HEY2: variants seen among roughly 807,000 people sequenced by gnomAD.
The protein encoded by HEY2 is hes related family bHLH transcription factor with YRPW motif 2.
In HEY2, 10 loss-of-function variants were observed where a neutral mutation model predicts 18.1. The observed-to-expected ratio is 0.55, with a 90% CI of 0.34 to 0.94. The LOEUF is 0.94. HEY2 is among the 40% of genes least tolerant of loss of function. HEY2 has a pLI of 0.02. For missense variants in HEY2, 455 were observed against 455.9 expected, an observed-to-expected ratio of 1.00 and a Z score of 0.02; for synonymous variants, 210 against 182.7, an observed-to-expected ratio of 1.15 and a Z score of -1.21.
intron 4 of HEY2, 86 bp from the exon 5 acceptor site, chr6:125,759,031 T>C: frequency 1.1e-6 from 1 of 905,256 alleles, no homozygotes; most frequent in Non-Finnish European, 1.7e-6. Flanking sequence ...CATCAGTGGG[T>C]GGTTATTGTT....
In HEY2 at chr6:125,760,915, A is replaced by G. The variant is rs1169550601; in HGVS notation, c.*1113A>G. On this transcript the variant is annotated 3_prime_UTR_variant, in exon 5 of 5. Transcript: ENST00000368364. ...TCCCAAAACAAGATGAATGTATGCAATGGGATGTACATAAGTTATTTTTGC... is the reference window on the plus strand; with the variant it reads ...TCCCAAAACAAGATGAATGTATGCAGTGGGATGTACATAAGTTATTTTTGC... 6.6e-6 allele frequency: 1 copy of G among 152,630 alleles called. No homozygotes were observed. The highest frequency in any genetic ancestry group is 2.4e-5 in the African/African-American group (1 of 41,450). 9.5% of individuals were successfully genotyped at this position (152,630 alleles called of 1,614,324 possible). A position where few individuals can be genotyped will look rare whatever the true frequency, so the allele number is the denominator to read the frequency against.
intron 4 of HEY2, among the ~76,000 whole-genome samples, chr6:125,758,104 G>A (rs534203842): frequency 3.0e-4 from 45 of 152,218 alleles, no homozygotes; most frequent in African/African-American, 1.1e-3. Flanking sequence ...TATACCAGAC[G>A]TCACTCATTC....
intron 3 of HEY2, 99 bp downstream of exon 3, chr6:125,752,189 T>C (rs1773559113): frequency 1.4e-6 from 1 of 694,204 alleles, no homozygotes; most frequent in Non-Finnish European, 2.5e-6. Context: ...ATGTGGGTTC[T>C]TGTTAAAGCT....
intron 4 of HEY2, among the ~76,000 whole-genome samples, chr6:125,757,139 G>A (rs1391528261): frequency 6.6e-6 from 1 of 152,142 alleles, no homozygotes; most frequent in African/African-American, 2.4e-5. Context: ...TATGACAATA[G>A]TATCTAGAGA....
At chr6:125,759,046 A>G (rs780775401) in intron 4 of HEY2, 71 bp from the exon 5 acceptor site, 8 of 1,155,354 alleles carry the variant, frequency 6.9e-6, no homozygotes, top group African/African-American at 3.1e-5. Context: ...ATTGTTGACT[A>G]TACCATTTTC....
intron 3 of HEY2, among the ~76,000 whole-genome samples, chr6:125,752,641 T>C (rs1196398709): frequency 6.6e-6 from 1 of 152,180 alleles, no homozygotes; most frequent in Non-Finnish European, 1.5e-5. Context: ...AGAAGTTTGG[T>C]AAAAATGAAG....
At chr6:125,758,600 C>T (rs1271413664) in intron 4 of HEY2, among the ~76,000 whole-genome samples, 1 of 152,238 alleles carries the variant, frequency 6.6e-6, no homozygotes. Context: ...GATTCTAGCA[C>T]ATTTCTAAAG....
Position 125,760,215 on chromosome 6 carries a change from A to G in HEY2, c.*413A>G, listed in dbSNP as rs932093957. ...TCGTGTTTCGTAAGTGCCTGAGCTT[A>G]GGAAGTTTTCTTCTGGATATATAAC... is the stretch of plus-strand genomic sequence containing the variant. On this transcript the variant is annotated 3_prime_UTR_variant, in exon 5 of 5. Coordinates refer to ENST00000368364, the MANE Select transcript of HEY2 (RefSeq NM_012259.3). 1 of 179,628 alleles carries G rather than the reference A, an allele frequency of 5.6e-6. No individual in the cohort carries two copies. Among genetic ancestry groups the G allele is most frequent in the Non-Finnish European group, 1.2e-5 (1 of 84,616 alleles). The allele number at this position is 179,628 out of a possible 1,614,324, so 11.1% of individuals were successfully genotyped here. A position where few individuals can be genotyped will look rare whatever the true frequency, so the allele number is the denominator to read the frequency against.
chr6:125,749,890 A>C (rs1476937797), intron 1 of HEY2, 31 bp downstream of exon 1: 1 of 1,521,178 alleles, frequency 6.6e-7, no homozygotes, highest in Non-Finnish European at 8.9e-7. Context: ...AGCGGCCCGC[A>C]GCTCGGGAGC....
At chr6:125,757,845 G>A (rs1343563055) in intron 4 of HEY2, among the ~76,000 whole-genome samples, 1 of 152,190 alleles carries the variant, frequency 6.6e-6, no homozygotes, top group Admixed American at 6.5e-5. Context: ...AGCTACTCAG[G>A]AGGCTGAGGC....
Position 125,760,187 on chromosome 6 carries a change from G to T in HEY2, c.*385G>T. 1 of 188,936 alleles carries T rather than the reference G, an allele frequency of 5.3e-6. No individual in the cohort carries two copies. The highest frequency in any genetic ancestry group is 1.1e-4 in the South Asian group (1 of 9,144). 11.7% of individuals were successfully genotyped at this position (188,936 alleles called of 1,614,324 possible). ...ATACATATATAGAGAGAGAGTGAGA[G>T]AGTCGTGTTTCGTAAGTGCCTGAGC... On this transcript the variant is annotated 3_prime_UTR_variant, in exon 5 of 5. Transcript: ENST00000368364.
intron 3 of HEY2, 69 bp from the exon 4 acceptor site, chr6:125,754,396 C>T: frequency 1.2e-6 from 1 of 835,446 alleles, no homozygotes; most frequent in Non-Finnish European, 1.8e-6. Flanking sequence ...ATGCTAAATT[C>T]AGTGTATAAT....
chr6:125,750,246 T>C, intron 1 of HEY2: 1 of 984,836 alleles, frequency 1.0e-6, no homozygotes, highest in Non-Finnish European at 1.2e-6. Context: ...AACAATTTGA[T>C]TTTTGATTTT....
chr6:125,750,486 G>A, intron 1 of HEY2: 4 of 822,748 alleles, frequency 4.9e-6, no homozygotes, highest in Non-Finnish European at 5.9e-6. Flanking sequence ...TCCTGTGACA[G>A]AGGGAGATTA....
intron 1 of HEY2, among the ~76,000 whole-genome samples, chr6:125,750,673 T>C (rs1773526830): frequency 6.6e-6 from 1 of 152,202 alleles, no homozygotes; most frequent in African/African-American, 2.4e-5. Flanking sequence ...AAGCACAAAA[T>C]CTGCAAGAGC....
In HEY2 at chr6:125,759,901, G is replaced by T; in HGVS notation, c.*99G>T. The T allele has an allele frequency of 1.1e-6, 1 of 897,076 alleles. No homozygotes were observed. Among genetic ancestry groups the T allele is most frequent in the South Asian group, 1.7e-5 (1 of 59,874 alleles). The allele number at this position is 897,076 out of a possible 1,614,324, so 55.6% of individuals were successfully genotyped here. A position where few individuals can be genotyped will look rare whatever the true frequency, so the allele number is the denominator to read the frequency against. On this transcript the variant is annotated 3_prime_UTR_variant, in exon 5 of 5. Transcript: ENST00000368364. ...GAAGGTAGCCATACAGATGCCGACA[G>T]ATCCACAAAGGAACAATAAAGCTAT... is the stretch of plus-strand genomic sequence containing the variant.
chr6:125,757,449 TTC>T (rs1206799552), intron 4 of HEY2, among the ~76,000 whole-genome samples: 1 of 151,744 alleles, frequency 6.6e-6, no homozygotes, highest in Non-Finnish European at 1.5e-5. Flanking sequence ...CTGCTGTTGT[TTC>T]TGTTTTAGTA....
intron 4 of HEY2, among the ~76,000 whole-genome samples, chr6:125,756,708 A>G (rs1020503438): frequency 6.6e-6 from 1 of 152,250 alleles, no homozygotes; most frequent in Non-Finnish European, 1.5e-5. Context: ...TGGTTCTGCC[A>G]CTGATTAGCT....
At chr6:125,750,951 T>C (rs1470014721) in intron 1 of HEY2, among the ~76,000 whole-genome samples, 1 of 152,182 alleles carries the variant, frequency 6.6e-6, no homozygotes, top group Non-Finnish European at 1.5e-5. Flanking sequence ...CAAAGAAGCA[T>C]AGTATCCATG....
Sources: allele counts gnomAD v4.1 joint callset (sites outside exome capture counted in the v4.1 genomes callset), GRCh38; gene constraint gnomAD v4.1.1; transcripts MANE v1.5; gene names NCBI Gene and HGNC (gene_info 2026-07-23, HGNC 2026-07-21).